ATG7: variants seen among roughly 807,000 people sequenced by gnomAD.
ATG7 encodes the protein autophagy related 7, also known as ubiquitin-like modifier-activating enzyme ATG7.
In ATG7, 70 loss-of-function variants were observed where a neutral mutation model predicts 82.4. The ratio of observed to expected loss-of-function variants is 0.85; its 90% CI spans 0.70 to 1.04. ATG7 has a LOEUF of 1.04. Among genes scored for constraint, ATG7 ranks in the 50% least tolerant of loss-of-function variants. The pLI is 0.00. For synonymous variants in ATG7, 287 were observed against 313.0 expected (o/e 0.92, Z 0.88); for missense variants, 792 against 864.3 (o/e 0.92, Z 1.05).
At chr3:11,451,498 G>A (rs2085127359) in intron 20 of ATG7, among the ~76,000 whole-genome samples, 1 of 152,094 alleles carries the variant, frequency 6.6e-6, no homozygotes, top group Admixed American at 6.6e-5. Context: ...TACTAGCCCT[G>A]TTCAGCACAT....
At chr3:11,293,855 G>GA (rs58019345) in intron 3 of ATG7, among the ~76,000 whole-genome samples, 2,032 of 132,392 alleles carry the variant, frequency 0.015, 42 homozygotes, top group African/African-American at 0.05. Context: ...CGTATCGAGA[G>GA]AAAAAAAAAA....
chr3:11,539,437 C>CA (rs1236647255), intron 20 of ATG7, among the ~76,000 whole-genome samples: 1 of 152,216 alleles, frequency 6.6e-6, no homozygotes, highest in African/African-American at 2.4e-5. Flanking sequence ...TAAGAGAAGG[C>CA]ATGGCACTGA....
intron 20 of ATG7, among the ~76,000 whole-genome samples, chr3:11,511,882 T>C (rs2092082252): frequency 1.3e-5 from 2 of 152,144 alleles, no homozygotes; most frequent in African/African-American, 2.4e-5. Context: ...GCTGGCTGGC[T>C]GCTCCGAATG....
chr3:11,347,686 T>A (rs1304086838), intron 13 of ATG7, among the ~76,000 whole-genome samples, 191 bp from the exon 14 acceptor site: 1 of 152,256 alleles, frequency 6.6e-6, no homozygotes, highest in African/African-American at 2.4e-5. Flanking sequence ...GAGTATATAA[T>A]TATGTTGTTT....
intron 20 of ATG7, among the ~76,000 whole-genome samples, chr3:11,542,306 G>A (rs554981410): frequency 6.6e-6 from 1 of 152,324 alleles, no homozygotes; most frequent in African/African-American, 2.4e-5. Context: ...CAGAGGGAGG[G>A]TGCCAAATAT....
chr3:11,393,337 C>T (rs139786948), intron 19 of ATG7, among the ~76,000 whole-genome samples: 112 of 151,190 alleles, frequency 7.4e-4, no homozygotes, highest in African/African-American at 2.7e-3. Flanking sequence ...TTGTAATAGC[C>T]ACACCTGGGG....
chr3:11,571,824 T>A, the ATG7 span, among the ~76,000 whole-genome samples: 1 of 151,684 alleles, frequency 6.6e-6, no homozygotes, highest in Non-Finnish European at 1.5e-5. Flanking sequence ...AGAAGCCTAT[T>A]GGCCGGGCAC....
chr3:11,318,094 A>G (rs926748487), intron 9 of ATG7, among the ~76,000 whole-genome samples: 1 of 152,204 alleles, frequency 6.6e-6, no homozygotes, highest in Non-Finnish European at 1.5e-5. Context: ...ACAGCAGTAT[A>G]TTTTGAAAGA....
intron 4 of ATG7, chr3:11,299,120 G>T: frequency 1.7e-6 from 1 of 600,306 alleles, no homozygotes; most frequent in Non-Finnish European, 2.9e-6. Flanking sequence ...GGAAGAGATT[G>T]GAAATATTTT....
At chr3:11,309,109 G>T (rs1249591769) in intron 7 of ATG7, 48 bp downstream of exon 7, 1 of 1,517,052 alleles carries the variant, frequency 6.6e-7, no homozygotes, top group Admixed American at 1.7e-5. Flanking sequence ...AAATCCCCTG[G>T]CTTAGCCCAG....
intron 20 of ATG7, among the ~76,000 whole-genome samples, chr3:11,492,400 G>A (rs2090447443): frequency 6.6e-6 from 1 of 152,168 alleles, no homozygotes; most frequent in South Asian, 2.1e-4. Context: ...TACCTCAGAT[G>A]GAAATGCAGA....
chr3:11,385,415 C>G (rs149202991), intron 19 of ATG7, among the ~76,000 whole-genome samples: 75 of 152,348 alleles, frequency 4.9e-4, no homozygotes, highest in African/African-American at 1.8e-3. Context: ...AAAGGCAAAT[C>G]ATAGATTTGA....
chr3:11,299,545 C>G (rs770032673), intron 5 of ATG7, 129 bp downstream of exon 5: 15 of 882,258 alleles, frequency 1.7e-5, no homozygotes, highest in Middle Eastern at 2.3e-4. Flanking sequence ...AGTCAGCCCC[C>G]CTCATGATTC....
chr3:11,434,789 G>A (rs1001314091), intron 20 of ATG7, among the ~76,000 whole-genome samples: 1 of 152,210 alleles, frequency 6.6e-6, no homozygotes, highest in East Asian at 1.9e-4. Flanking sequence ...GCTTGGAGAA[G>A]TCTAAGCGAG....
chr3:11,406,242 A>C (rs2080323845), intron 19 of ATG7, among the ~76,000 whole-genome samples: 1 of 152,124 alleles, frequency 6.6e-6, no homozygotes. Flanking sequence ...TGCCCACCCC[A>C]GCCTCTCAAA....
intron 14 of ATG7, among the ~76,000 whole-genome samples, chr3:11,350,748 G>A (rs916492007): frequency 6.6e-6 from 1 of 151,904 alleles, no homozygotes; most frequent in African/African-American, 2.4e-5. Context: ...AAAGAGTGAG[G>A]ATATATAATA....
At chr3:11,364,016 C>T (rs1211907839) in intron 17 of ATG7, among the ~76,000 whole-genome samples, 1 of 152,168 alleles carries the variant, frequency 6.6e-6, no homozygotes, top group Non-Finnish European at 1.5e-5. Context: ...TCTTTGAGAG[C>T]TGACTTTATG....
chr3:11,482,647 G>A (rs146820549), intron 20 of ATG7, among the ~76,000 whole-genome samples: 197 of 152,040 alleles, frequency 1.3e-3, no homozygotes, highest in African/African-American at 4.5e-3. Context: ...CAGCCTCCCC[G>A]AATTTATAGT....
At chr3:11,545,013 T>C (rs1033480212) in intron 20 of ATG7, among the ~76,000 whole-genome samples, 20 of 152,152 alleles carry the variant, frequency 1.3e-4, no homozygotes, top group Admixed American at 5.9e-4. Context: ...GGGAAGTCGC[T>C]GCAGACCCAG....
Sources: gnomAD v4.1 joint callset for allele counts (sites outside exome capture counted in the v4.1 genomes callset) on GRCh38, gnomAD v4.1.1 for gene constraint, MANE v1.5 for transcripts, NCBI Gene and HGNC (gene_info 2026-07-23, HGNC 2026-07-21) for gene names.